Variants in ATRX observed in about 807,000 individuals in gnomAD.
ATRX encodes ATRX chromatin remodeler.
ATRX carries 12 observed loss-of-function variants against 172.6 expected under a neutral mutation model. The observed-to-expected ratio is 0.07, with a 90% CI of 0.04 to 0.11. ATRX has a LOEUF of 0.11. ATRX is among the 10% of genes least tolerant of loss of function. The pLI, the probability that ATRX is intolerant of heterozygous loss-of-function variation, is 1.00. For synonymous variants in ATRX, 674 were observed against 594.7 expected, an observed-to-expected ratio of 1.13 and a Z score of -1.94; for missense variants, 1,368 against 1,767.4, an observed-to-expected ratio of 0.77 and a Z score of 4.05.
At chrX:77,761,880 C>T (rs367843850) in intron 1 of ATRX, among the ~76,000 whole-genome samples, 2 of 111,475 alleles carry the variant, frequency 1.8e-5, no homozygotes, top group Admixed American at 1.9e-4. Context: ...TTAGATTCCA[C>T]ATATAGGTTG....
At chrX:77,727,472 C>G (rs1333003102) in intron 1 of ATRX, among the ~76,000 whole-genome samples, 1 of 111,388 alleles carries the variant, frequency 9.0e-6, no homozygotes, top group Non-Finnish European at 1.9e-5. Context: ...AAATGTGGCA[C>G]CTATACACCA....
chrX:77,671,313 T>C (rs945754346), intron 10 of ATRX, among the ~76,000 whole-genome samples: 1 of 103,946 alleles, frequency 9.6e-6, no homozygotes, highest in Non-Finnish European at 2.0e-5. Flanking sequence ...TAGTCGCAAA[T>C]CCTACAATGT....
At chrX:77,618,521 C>T (rs1448643380) in intron 21 of ATRX, among the ~76,000 whole-genome samples, 1 of 111,651 alleles carries the variant, frequency 9.0e-6, no homozygotes, top group African/African-American at 3.2e-5. Flanking sequence ...TCTTAAGGAA[C>T]TCCCTATCTT....
chrX:77,592,770 C>T (rs1487132029), intron 26 of ATRX, among the ~76,000 whole-genome samples: 1 of 109,264 alleles, frequency 9.2e-6, no homozygotes, highest in African/African-American at 3.3e-5. Context: ...CGAGATCGCA[C>T]CATTGCACTC....
At chrX:77,536,385 T>C (rs1199506095) in intron 30 of ATRX, among the ~76,000 whole-genome samples, 1 of 111,674 alleles carries the variant, frequency 9.0e-6, no homozygotes, top group African/African-American at 3.3e-5. Flanking sequence ...AACTTGGTCA[T>C]GAAAACACTA....
At chrX:77,710,684 C>G (rs782313518) in intron 2 of ATRX, among the ~76,000 whole-genome samples, 1 of 82,811 alleles carries the variant, frequency 1.2e-5, no homozygotes, top group Non-Finnish European at 2.3e-5. Context: ...AGTGAAAACA[C>G]TCCAACCCCA....
chrX:77,776,941 A>T (rs1410148938), intron 1 of ATRX, among the ~76,000 whole-genome samples: 1 of 111,058 alleles, frequency 9.0e-6, no homozygotes, highest in Non-Finnish European at 1.9e-5. Flanking sequence ...CTTTCAATAC[A>T]GGGCCAGACA....
At chrX:77,656,478 G>T in intron 13 of ATRX, 82 bp downstream of exon 13, 1 of 709,246 alleles carries the variant, frequency 1.4e-6, no homozygotes, top group Non-Finnish European at 2.2e-6. Flanking sequence ...TAACTTTATT[G>T]GTAACAGTAA....
chrX:77,517,561 C>T (rs2063096315), intron 34 of ATRX, among the ~76,000 whole-genome samples: 3 of 111,615 alleles, frequency 2.7e-5, no homozygotes. Flanking sequence ...GCCTGGAAAC[C>T]AATGTCTTCA....
At position 77,606,619 on chromosome X, in the gene ATRX, G is replaced by T. The variant is rs1457731666; in HGVS notation, c.5567-6055C>A. On this transcript the variant is annotated intron_variant, in intron 22 of 34. Transcript: ENST00000373344. ...GTGGGATTTATCCTAGGGATGCAACGATGGCTCAGTTTATGGAAATCAGCT... is the reference window on the plus strand; with the variant it reads ...GTGGGATTTATCCTAGGGATGCAACTATGGCTCAGTTTATGGAAATCAGCT... Among the ~76,000 whole-genome samples the T allele has an allele frequency of 2.7e-5, 3 of 110,691 alleles. No individual in the cohort carries two copies. In the South Asian group the frequency reaches 1.1e-3, roughly 42 times the overall value.
chrX:77,629,088 T>TA (rs1285911283), intron 19 of ATRX, among the ~76,000 whole-genome samples: 13 of 112,549 alleles, frequency 1.2e-4, no homozygotes, highest in African/African-American at 4.2e-4. Context: ...GCCTACCTTA[T>TA]AAGTTTACAA....
chrX:77,537,149 A>G (rs2147831369), intron 30 of ATRX, among the ~76,000 whole-genome samples: 1 of 112,210 alleles, frequency 8.9e-6, no homozygotes, highest in South Asian at 3.7e-4. Context: ...TCTCAAGCAG[A>G]TTTTAATCCT....
chrX:77,631,337 T>G (rs2068099341), intron 19 of ATRX, among the ~76,000 whole-genome samples: 1 of 111,211 alleles, frequency 9.0e-6, no homozygotes, highest in Admixed American at 9.6e-5. Context: ...AAATCCAAAT[T>G]TTATGTGTAG....
intron 15 of ATRX, among the ~76,000 whole-genome samples, chrX:77,643,340 C>T (rs1280168286): frequency 3.6e-5 from 4 of 110,253 alleles, no homozygotes; most frequent in African/African-American, 1.3e-4. Flanking sequence ...GGGAACACTC[C>T]CAAAACACCA....
At chrX:77,754,284 CTT>C (rs1557189068) in intron 1 of ATRX, among the ~76,000 whole-genome samples, 2 of 111,332 alleles carry the variant, frequency 1.8e-5, no homozygotes, top group Admixed American at 1.9e-4. Context: ...GGTCTTGACT[CTT>C]TATCCAATTT....
chrX:77,578,844 C>T (rs888849772), intron 27 of ATRX, among the ~76,000 whole-genome samples: 4 of 111,993 alleles, frequency 3.6e-5, no homozygotes, highest in Non-Finnish European at 5.6e-5. Flanking sequence ...GCTCTTGGGT[C>T]CCCAATTCCA....
At position 77,786,012 on chromosome X, in the gene ATRX, G is replaced by C; in HGVS notation, c.-11C>G. ...GGGCTCAGCGGTCATGTTTTCGCTT[G>C]AACGCCTTGTCGGCTTCTGTGATTG... On this transcript the variant is annotated 5_prime_UTR_variant, in exon 1 of 35. Coordinates refer to ENST00000373344, the MANE Select transcript of ATRX (RefSeq NM_000489.6). The C allele has an allele frequency of 8.4e-7, 1 of 1,192,933 alleles. No individual in the cohort carries two copies. The highest frequency in any genetic ancestry group is 1.1e-6 in the Non-Finnish European group (1 of 886,375).
chrX:77,582,306 G>A (rs147929867), intron 27 of ATRX, among the ~76,000 whole-genome samples: 4,096 of 108,832 alleles, frequency 0.038, 80 homozygotes, highest in East Asian at 0.085. Flanking sequence ...AGGCTGAGGC[G>A]GAAGAATCAT....
chrX:77,610,295 T>C (rs992830951), intron 22 of ATRX, among the ~76,000 whole-genome samples: 32 of 112,342 alleles, frequency 2.8e-4, no homozygotes, highest in Admixed American at 9.5e-5. Context: ...GTGACATCCT[T>C]GTTTTGTTCC....
Sources: gnomAD v4.1 joint callset for allele counts (sites outside exome capture counted in the v4.1 genomes callset) on GRCh38, gnomAD v4.1.1 for gene constraint, MANE v1.5 for transcripts, NCBI Gene and HGNC (gene_info 2026-07-23, HGNC 2026-07-21) for gene names.